GRIN3A: variants seen among roughly 807,000 people sequenced by gnomAD.
The protein encoded by GRIN3A is glutamate receptor ionotropic, NMDA 3A.
GRIN3A carries 47 observed loss-of-function variants against 92.4 expected under a neutral mutation model. The observed-to-expected ratio is 0.51, with a 90% CI of 0.40 to 0.65. The LOEUF is 0.65. GRIN3A is among the 30% of genes least tolerant of loss of function. The pLI is 0.00. For synonymous variants in GRIN3A, 527 were observed against 540.6 expected (o/e 0.97, Z 0.35); for missense variants, 1,324 against 1,393.1 (o/e 0.95, Z 0.79).
intron 6 of GRIN3A, among the ~76,000 whole-genome samples, chr9:101,611,281 C>G (rs956682300): frequency 6.6e-6 from 1 of 152,068 alleles, no homozygotes. Flanking sequence ...TTTAGCATTT[C>G]CTTGGCTTGT....
At chr9:101,706,547 C>G (rs1829818024) in intron 1 of GRIN3A, among the ~76,000 whole-genome samples, 1 of 152,180 alleles carries the variant, frequency 6.6e-6, no homozygotes, top group South Asian at 2.1e-4. Flanking sequence ...TCAGATTATG[C>G]AATCAGGGTG....
intron 1 of GRIN3A, among the ~76,000 whole-genome samples, chr9:101,717,151 A>G (rs1246345108): frequency 6.6e-6 from 1 of 152,198 alleles, no homozygotes; most frequent in African/African-American, 2.4e-5. Context: ...TAAAAAGAAA[A>G]CAGATATATG....
intron 1 of GRIN3A, among the ~76,000 whole-genome samples, chr9:101,689,905 G>C (rs917274487): frequency 6.6e-6 from 1 of 152,144 alleles, no homozygotes; most frequent in Non-Finnish European, 1.5e-5. Flanking sequence ...CATATGGTTT[G>C]TTGTTTGCAA....
At position 101,623,903 on chromosome 9, in the gene GRIN3A, T is replaced by G. The variant is rs371711147; in HGVS notation, c.2499-470A>C. ...AACCAGGTTACACAGCTAGTAAGTGTTGGGACTAGGTTCAGATGAAGGGTG... is the reference window on the plus strand; with the variant it reads ...AACCAGGTTACACAGCTAGTAAGTGGTGGGACTAGGTTCAGATGAAGGGTG... On this transcript the variant is annotated intron_variant, in intron 4 of 8. Transcript: ENST00000361820. Among the ~76,000 whole-genome samples the G allele has an allele frequency of 3.9e-5, 6 of 152,360 alleles. No homozygotes were observed. In the East Asian group the frequency reaches 7.7e-4, roughly 20 times the overall value.
At chr9:101,597,847 G>A (rs559000680) in intron 6 of GRIN3A, among the ~76,000 whole-genome samples, 1 of 152,110 alleles carries the variant, frequency 6.6e-6, no homozygotes, top group African/African-American at 2.4e-5. Flanking sequence ...GGAATACCAG[G>A]TCATTCTGGG....
intron 1 of GRIN3A, among the ~76,000 whole-genome samples, chr9:101,692,310 C>T (rs1651508728): frequency 3.9e-5 from 6 of 152,118 alleles, no homozygotes; most frequent in Admixed American, 3.9e-4. Flanking sequence ...TAACAAGCTC[C>T]AGTACCAGTC....
At chr9:101,633,282 A>T (rs980859237) in intron 3 of GRIN3A, among the ~76,000 whole-genome samples, 2 of 152,158 alleles carry the variant, frequency 1.3e-5, no homozygotes, top group Non-Finnish European at 2.9e-5. Flanking sequence ...ACCTGGTATT[A>T]TGTTCTTTGG....
intron 4 of GRIN3A, among the ~76,000 whole-genome samples, chr9:101,626,286 T>G (rs74470059): frequency 6.6e-6 from 1 of 152,356 alleles, no homozygotes; most frequent in East Asian, 1.9e-4. Context: ...TAGGAGTTAA[T>G]TTTTTGGAAA....
intron 5 of GRIN3A, among the ~76,000 whole-genome samples, chr9:101,617,902 G>GT: frequency 6.6e-6 from 1 of 150,460 alleles, no homozygotes; most frequent in East Asian, 2.0e-4. Flanking sequence ...GCGGTGTTTG[G>GT]TTTTTTGTTC....
At chr9:101,652,928 G>T (rs1829032841) in intron 3 of GRIN3A, among the ~76,000 whole-genome samples, 1 of 117,214 alleles carries the variant, frequency 8.5e-6, no homozygotes. Flanking sequence ...TCACATCCTT[G>T]TGATTTTTTT....
At chr9:101,696,748 G>A (rs1829689739) in intron 1 of GRIN3A, among the ~76,000 whole-genome samples, 1 of 152,132 alleles carries the variant, frequency 6.6e-6, no homozygotes, top group Non-Finnish European at 1.5e-5. Flanking sequence ...ATTACTTTAT[G>A]TCAATGCAGC....
intron 6 of GRIN3A, among the ~76,000 whole-genome samples, chr9:101,604,580 T>A (rs1157584642): frequency 2.0e-5 from 3 of 152,136 alleles, no homozygotes; most frequent in Admixed American, 2.0e-4. Flanking sequence ...AGTCATTAAC[T>A]CTCCTTGCCT....
chr9:101,722,388 G>T (rs934615063), intron 1 of GRIN3A, among the ~76,000 whole-genome samples: 4 of 152,242 alleles, frequency 2.6e-5, no homozygotes, highest in Admixed American at 2.6e-4. Context: ...GAAGGGAAAT[G>T]TGGGGTCGGA....
intron 3 of GRIN3A, among the ~76,000 whole-genome samples, chr9:101,651,729 A>C (rs1039397700): frequency 1.3e-5 from 2 of 150,414 alleles, no homozygotes; most frequent in Non-Finnish European, 3.0e-5. Context: ...TAAGTCTGTA[A>C]ATTTTATAAA....
In GRIN3A at chr9:101,670,266, A is replaced by G; in HGVS notation, c.2146T>C (p.Phe716Leu). 1.9e-6 allele frequency: 3 copies of G among 1,614,076 alleles called. No individual in the cohort carries two copies. The South Asian group carries it at 3.3e-5, about 18-fold the overall frequency. Residue 716 changes from phenylalanine (F) to leucine (L), a missense_variant, in exon 3 of 9, where the codon TTT (phenylalanine) becomes CTT (leucine). Transcript: ENST00000361820. ...KGRNRSKVFS[F>L]SSALNICYAL... The stretch of plus-strand genomic sequence containing the variant: ...TAACAGATGTTCAAGGCTGAAGAAA[A>G]GGAGAAGACTTTACTTCTATTTCGC...
rs903224492 is a variant in GRIN3A at position 101,738,122 on chromosome 9, C to T, written c.-143G>A. On this transcript the variant is annotated 5_prime_UTR_variant, in exon 1 of 9. The change abolishes the stop of an existing upstream ORF in the 5' untranslated region. Coordinates refer to ENST00000361820, the MANE Select transcript of GRIN3A (RefSeq NM_133445.3). Reference sequence around the variant, plus strand: ...GCGGTCCCAGGAGCTGGAGCGGTCTCTAGGCCATGCAAGTTGGAGCGTAGC... The same window carrying T: ...GCGGTCCCAGGAGCTGGAGCGGTCTTTAGGCCATGCAAGTTGGAGCGTAGC... 1.0e-5 allele frequency: 8 copies of T among 763,364 alleles called. No individual in the cohort carries two copies. The African/African-American group carries it at 1.4e-4, about 13-fold the overall frequency. 47.3% of individuals were successfully genotyped at this position (763,364 alleles called of 1,614,324 possible).
At chr9:101,594,851 C>T (rs1564121703) in intron 6 of GRIN3A, 1 of 1,606,220 alleles carries the variant, frequency 6.2e-7, no homozygotes, top group Non-Finnish European at 8.5e-7. Flanking sequence ...AAACCTCCTG[C>T]CCAGCCTTTT....
At chr9:101,577,196 C>A (rs1827836864) in intron 8 of GRIN3A, among the ~76,000 whole-genome samples, 1 of 152,136 alleles carries the variant, frequency 6.6e-6, no homozygotes, top group Non-Finnish European at 1.5e-5. Context: ...ATGAATTAGG[C>A]ATGACATGTC....
chr9:101,605,493 T>A (rs1194718873), intron 6 of GRIN3A, among the ~76,000 whole-genome samples: 1 of 152,216 alleles, frequency 6.6e-6, no homozygotes, highest in Non-Finnish European at 1.5e-5. Flanking sequence ...CCATTTAAAC[T>A]TCCATTTTTG....
Sources: allele counts gnomAD v4.1 joint callset (sites outside exome capture counted in the v4.1 genomes callset), GRCh38; gene constraint gnomAD v4.1.1; transcripts MANE v1.5; gene names NCBI Gene and HGNC (gene_info 2026-07-23, HGNC 2026-07-21).